Variants in BUB3 observed in about 807,000 individuals in gnomAD.
BUB3 encodes the protein BUB3 mitotic checkpoint protein.
A neutral mutation model predicts 39.9 loss-of-function variants in BUB3; 22 were observed. The ratio of observed to expected loss-of-function variants is 0.55; its 90% CI spans 0.39 to 0.79. The LOEUF (loss-of-function observed/expected upper bound fraction) is 0.79. BUB3 is among the 30% of genes least tolerant of loss of function. BUB3 has a pLI of 0.00. For synonymous variants in BUB3, 168 were observed against 155.1 expected (o/e 1.08, Z -0.62); for missense variants, 303 against 415.4 (o/e 0.73, Z 2.35).
At chr10:123,158,985 T>C (rs1844385691) in intron 4 of BUB3, among the ~76,000 whole-genome samples, 1 of 152,212 alleles carries the variant, frequency 6.6e-6, no homozygotes, top group African/African-American at 2.4e-5. Context: ...AGATTTAAGA[T>C]AAAATTCCCA....
Position 123,155,031 on chromosome 10 carries a change from C to A in BUB3, c.114C>A (p.Ser38=). The part of the protein sequence containing the change: ...QFLLVSSWDT[S]VRLYDVPANS... Reference sequence around the variant, plus strand: ...TGCTTGTCTCCTCCTGGGACACGTCCGTGCGTCTCTACGATGTGCCGGCCA... The same window carrying A: ...TGCTTGTCTCCTCCTGGGACACGTCAGTGCGTCTCTACGATGTGCCGGCCA... The change falls in exon 2 of 8, where the codon TCC becomes TCA. Residue 38 remains serine, a synonymous_variant. Transcript: ENST00000368865. 1.2e-6 allele frequency: 2 copies of A among 1,614,198 alleles called. No individual in the cohort carries two copies. Among genetic ancestry groups the A allele is most frequent in the Non-Finnish European group, 1.7e-6 (2 of 1,180,034 alleles).
rs1478047422 is a variant in BUB3, at chr10:123,170,385, C to A, written c.*6550C>A. On this transcript the variant is annotated 3_prime_UTR_variant, in exon 8 of 8. Transcript: ENST00000368865. ...ATTCAGAAAAACTCAGGATCATACC[C>A]ATAAACCCACTGTTTAGATTTTAAA... 1 of 152,138 alleles carries A rather than the reference C, an allele frequency of 6.6e-6. No homozygotes were observed. The highest frequency in any genetic ancestry group is 1.5e-5 in the Non-Finnish European group (1 of 68,028). The allele number at this position is 152,138 out of a possible 1,614,324, so 9.4% of individuals were successfully genotyped here. A position where few individuals can be genotyped will look rare whatever the true frequency, so the allele number is the denominator to read the frequency against.
In BUB3 at chr10:123,162,427, T is replaced by C. The variant is rs772073649; in HGVS notation, c.754+14T>C. 11 of 1,610,112 alleles carry C rather than the reference T, an allele frequency of 6.8e-6. No individual in the cohort carries two copies. In the Middle Eastern group the frequency reaches 6.6e-4, roughly 97 times the overall value. On this transcript the variant is annotated intron_variant, in intron 6 of 7. Transcript: ENST00000368865. ...CATTTGCCACAGGTAAAGTATGGCA[T>C]GCTGACCTATATTTAATTATTATAC...
Position 123,155,705 on chromosome 10 carries a change from G to A in BUB3, c.243G>A (p.Met81Ile), listed in dbSNP as rs370925914. 2.5e-6 allele frequency: 4 copies of A among 1,613,948 alleles called. No individual in the cohort carries two copies. In the African/African-American group the frequency reaches 5.3e-5, roughly 22 times the overall value. Residue 81 changes from methionine (M) to isoleucine (I), a missense_variant, in exon 3 of 8, where the codon ATG (methionine) becomes ATA (isoleucine). Transcript: ENST00000368865. Reference protein sequence around the residue: ...WSGGLDHQLKMHDLNTDQENL... With the variant: ...WSGGLDHQLKIHDLNTDQENL... ...GAGGACTAGATCATCAATTGAAAAT[G>A]CATGATTTGAACACTGATCAAGGTA...
At chr10:123,157,395 G>A (rs1050381543) in intron 3 of BUB3, among the ~76,000 whole-genome samples, 9 of 152,214 alleles carry the variant, frequency 5.9e-5, no homozygotes, top group Non-Finnish European at 1.5e-5. Context: ...AGATCACAGA[G>A]GTAAACGCAG....
rs556338094 is a variant in BUB3 at position 123,154,905 on chromosome 10, G to T, written c.1-13G>T. On this transcript the variant is annotated splice_polypyrimidine_tract_variant and intron_variant, in intron 1 of 7. Coordinates refer to ENST00000368865, the MANE Select transcript of BUB3 (RefSeq NM_004725.4). ...CGCGGGACCCCTGGGGACTCTGGGC[G>T]CCTGTTCTGCAGATGACCGGTTCTA... 1.4e-5 allele frequency: 23 copies of T among 1,607,862 alleles called. No homozygotes were observed. Among genetic ancestry groups the T allele is most frequent in the Non-Finnish European group, 2.0e-5 (23 of 1,176,742 alleles).
At chr10:123,154,832 C>T in intron 1 of BUB3, 86 bp from the exon 2 acceptor site, 1 of 1,439,372 alleles carries the variant, frequency 6.9e-7, no homozygotes, top group South Asian at 1.3e-5. Context: ...TCGGCCCCTC[C>T]CTCTGGGGGG....
Position 123,157,516 on chromosome 10 carries a change from G to A in BUB3, c.266-213G>A, listed in dbSNP as rs1844365217. 2.6e-5 allele frequency among the ~76,000 whole-genome samples: 4 copies of A among 152,268 alleles called. No homozygotes were observed. The South Asian group carries it at 8.3e-4, about 31-fold the overall frequency. On this transcript the variant is annotated intron_variant, in intron 3 of 7. Coordinates refer to ENST00000368865, the MANE Select transcript of BUB3 (RefSeq NM_004725.4). ...GGTATGTGCAATACTAGTGAGTCAT[G>A]TGAAGTGTGCACTGTAAGGTGAACA...
chr10:123,164,376 G>GGT lies in BUB3; in HGVS notation c.*542_*543dup. On this transcript the variant is annotated 3_prime_UTR_variant, in exon 8 of 8. Coordinates refer to ENST00000368865, the MANE Select transcript of BUB3 (RefSeq NM_004725.4). ...TTTCCTGGGCTGTTAAACAAAGCGA[G>GGT]GTTAAGGTTAGACTCTTGGGAATCA... 1 of 985,716 alleles carries GGT rather than the reference G, an allele frequency of 1.0e-6. No homozygotes were observed. The highest frequency in any genetic ancestry group is 1.2e-6 in the Non-Finnish European group (1 of 830,190). The allele number at this position is 985,716 out of a possible 1,614,324, so 61.1% of individuals were successfully genotyped here.
rs758840135 is a variant in BUB3 at position 123,164,609 on chromosome 10, G to C, written c.*774G>C. On this transcript the variant is annotated 3_prime_UTR_variant, in exon 8 of 8. Coordinates refer to ENST00000368865, the MANE Select transcript of BUB3 (RefSeq NM_004725.4). ...ACGTAATTGCAGTGCATTTAGACAG[G>C]CATCTATTTGGACCTGTTTCTATCT... 1.0e-6 allele frequency: 1 copy of C among 989,456 alleles called. No individual in the cohort carries two copies. The highest frequency in any genetic ancestry group is 1.2e-6 in the Non-Finnish European group (1 of 832,670). The allele number at this position is 989,456 out of a possible 1,614,324, so 61.3% of individuals were successfully genotyped here. A position where few individuals can be genotyped will look rare whatever the true frequency, so the allele number is the denominator to read the frequency against.
rs1454417598 is a variant in BUB3 at position 123,162,625 on chromosome 10, C to T, written c.768C>T (p.Gly256=). The T allele has an allele frequency of 1.3e-6, 2 of 1,561,054 alleles. No individual in the cohort carries two copies. The highest frequency in any genetic ancestry group is 1.8e-5 in the Admixed American group (1 of 54,942). The part of the protein sequence containing the change: ...HNTFATGGSD[G]FVNIWDPFNK... Reference sequence around the variant, plus strand: ...AATTACTTCCAGGTGGTTCTGATGGCTTTGTAAATATTTGGGATCCATTTA... The same window carrying T: ...AATTACTTCCAGGTGGTTCTGATGGTTTTGTAAATATTTGGGATCCATTTA... Residue 256 remains glycine, a synonymous_variant, in exon 7 of 8, where the codon GGC becomes GGT. Coordinates refer to ENST00000368865, the MANE Select transcript of BUB3 (RefSeq NM_004725.4).
At chr10:123,159,098 T>C (rs1348129223) in intron 4 of BUB3, among the ~76,000 whole-genome samples, 2 of 152,220 alleles carry the variant, frequency 1.3e-5, no homozygotes, top group Non-Finnish European at 2.9e-5. Flanking sequence ...ACATTTTGTT[T>C]TCTGAGTAAG....
Position 123,168,279 on chromosome 10 carries a change from A to G in BUB3, c.*4444A>G, listed in dbSNP as rs972962464. On this transcript the variant is annotated 3_prime_UTR_variant, in exon 8 of 8. Transcript: ENST00000368865. ...ATCCATCCTTCAGGATTTTCTGTATATTTCTCTAACAGCAAAAGTTTTTGT... is the reference window on the plus strand; with the variant it reads ...ATCCATCCTTCAGGATTTTCTGTATGTTTCTCTAACAGCAAAAGTTTTTGT... 1.3e-5 allele frequency: 2 copies of G among 152,180 alleles called. No individual in the cohort carries two copies. Among genetic ancestry groups the G allele is most frequent in the African/African-American group, 4.8e-5 (2 of 41,448 alleles). The allele number at this position is 152,180 out of a possible 1,614,324, so 9.4% of individuals were successfully genotyped here. A position where few individuals can be genotyped will look rare whatever the true frequency, so the allele number is the denominator to read the frequency against.
chr10:123,164,699 T>A lies in BUB3; in HGVS notation c.*864T>A, dbSNP rs1027954917. 1 of 1,042,386 alleles carries A rather than the reference T, an allele frequency of 9.6e-7. No homozygotes were observed. The highest frequency in any genetic ancestry group is 1.2e-6 in the Non-Finnish European group (1 of 866,438). 64.6% of individuals were successfully genotyped at this position (1,042,386 alleles called of 1,614,324 possible). A position where few individuals can be genotyped will look rare whatever the true frequency, so the allele number is the denominator to read the frequency against. Reference sequence around the variant, plus strand: ...TTCTCTGACATTTATATAGTTCTTATGTCCATTTCAGTTGACCAGCCGCTG... The same window carrying A: ...TTCTCTGACATTTATATAGTTCTTAAGTCCATTTCAGTTGACCAGCCGCTG... On this transcript the variant is annotated 3_prime_UTR_variant, in exon 8 of 8. Transcript: ENST00000368865.
rs1196387197 is a variant in BUB3, at chr10:123,164,933, G to A, written c.*1098G>A. 2 of 1,482,994 alleles carry A rather than the reference G, an allele frequency of 1.3e-6. No individual in the cohort carries two copies. The highest frequency in any genetic ancestry group is 1.4e-5 in the African/African-American group (1 of 69,970). 91.9% of individuals were successfully genotyped at this position (1,482,994 alleles called of 1,614,324 possible). ...TCCTGAGATTTATTTTATCCGTGAT[G>A]TATTTTTTTTAATTCTTTTGATACA... On this transcript the variant is annotated 3_prime_UTR_variant, in exon 8 of 8. Coordinates refer to ENST00000368865, the MANE Select transcript of BUB3 (RefSeq NM_004725.4).
chr10:123,170,267 T>C lies in BUB3; in HGVS notation c.*6432T>C, dbSNP rs576385649. 9.2e-5 allele frequency: 14 copies of C among 152,212 alleles called. No homozygotes were observed. The highest frequency in any genetic ancestry group is 2.1e-4 in the Non-Finnish European group (14 of 68,036). 9.4% of individuals were successfully genotyped at this position (152,212 alleles called of 1,614,324 possible). A position where few individuals can be genotyped will look rare whatever the true frequency, so the allele number is the denominator to read the frequency against. On this transcript the variant is annotated 3_prime_UTR_variant, in exon 8 of 8. Coordinates refer to ENST00000368865, the MANE Select transcript of BUB3 (RefSeq NM_004725.4). ...CTGACTTTTTAGATTCTTTTTTCTT[T>C]TACATGATGTAGTTCTCAGATATAT...
intron 3 of BUB3, among the ~76,000 whole-genome samples, chr10:123,156,750 C>CTTTTTTTTTTTTTTTTTT (rs1589688487): frequency 8.1e-6 from 1 of 123,406 alleles, no homozygotes; most frequent in African/African-American, 3.4e-5. Flanking sequence ...CTTTTTCTTT[C>CTTTTTTTTTTTTTTTTTT]TTGTTTTTTT....
chr10:123,154,804 C>A, intron 1 of BUB3, 114 bp from the exon 2 acceptor site: 1 of 1,147,596 alleles, frequency 8.7e-7, no homozygotes, highest in Non-Finnish European at 1.2e-6. Flanking sequence ...AGCGCAGAGT[C>A]TCCTCGCGGT....
Position 123,155,648 on chromosome 10 carries a change from T to A in BUB3, c.196-10T>A. On this transcript the variant is annotated splice_polypyrimidine_tract_variant and intron_variant, in intron 2 of 7. Coordinates refer to ENST00000368865, the MANE Select transcript of BUB3 (RefSeq NM_004725.4). Reference sequence around the variant, plus strand: ...TTCTAGTTTTTAAACGGTTCAAAACTATTTTATAGGATCCAACGCATGCCT... The same window carrying A: ...TTCTAGTTTTTAAACGGTTCAAAACAATTTTATAGGATCCAACGCATGCCT... 1.2e-6 allele frequency: 2 copies of A among 1,613,604 alleles called. No individual in the cohort carries two copies. The highest frequency in any genetic ancestry group is 1.7e-6 in the Non-Finnish European group (2 of 1,179,502).
Sources: allele counts gnomAD v4.1 joint callset (sites outside exome capture counted in the v4.1 genomes callset), GRCh38; gene constraint gnomAD v4.1.1; transcripts MANE v1.5; gene names NCBI Gene and HGNC (gene_info 2026-07-23, HGNC 2026-07-21).